Variants in F2RL3 observed in about 807,000 individuals in gnomAD.
F2RL3 encodes the protein F2R like thrombin or trypsin receptor 3.
F2RL3 carries 3 observed loss-of-function variants against 4.9 expected under a neutral mutation model. The ratio of observed to expected loss-of-function variants is 0.61; its 90% CI spans 0.28 to 1.58. The LOEUF is 1.58. Among genes scored for constraint, F2RL3 ranks in the 40% most tolerant of loss-of-function variants. The probability of loss-of-function intolerance (pLI) is 0.11; values close to 1 mark genes in which losing one functional copy is unlikely to be tolerated. For missense variants in F2RL3, 564 were observed against 550.4 expected, an observed-to-expected ratio of 1.02 and a Z score of -0.25; for synonymous variants, 284 against 278.4, an observed-to-expected ratio of 1.02 and a Z score of -0.20.
chr19:16,889,427 G>A, intron 1 of F2RL3, 129 bp downstream of exon 1: 1 of 1,157,896 alleles, frequency 8.6e-7, no homozygotes, highest in Non-Finnish European at 1.2e-6. Context: ...TCCCGTCTCT[G>A]ACCCCATAGG....
chr19:16,889,851 C>A lies in F2RL3; in HGVS notation c.388C>A (p.Pro130Thr), dbSNP rs1306294466. 1.3e-6 allele frequency: 2 copies of A among 1,595,962 alleles called. No homozygotes were observed. Among genetic ancestry groups the A allele is most frequent in the Non-Finnish European group, 1.7e-6 (2 of 1,177,426 alleles). ...TGACCTCCTGCTGGCCCTGGCGCTG[C>A]CCCCGCGGATCGCCTACCACCTGCG... ...AADLLLALALPPRIAYHLRGQ... is the reference protein window; with the variant it reads ...AADLLLALALTPRIAYHLRGQ... Residue 130 changes from proline (P) to threonine (T), a missense_variant, in exon 2 of 2, where the codon CCC (proline) becomes ACC (threonine). Physicochemically the swap from Pro to Thr is conservative, Grantham distance 38. Coordinates refer to ENST00000248076, the MANE Select transcript of F2RL3 (RefSeq NM_003950.4).
rs2051785263 is a variant in F2RL3, at chr19:16,891,074, G to C, written c.*453G>C. The C allele has an allele frequency of 6.4e-6, 1 of 156,744 alleles. No individual in the cohort carries two copies. The highest frequency in any genetic ancestry group is 1.4e-5 in the Non-Finnish European group (1 of 70,702). 9.7% of individuals were successfully genotyped at this position (156,744 alleles called of 1,614,324 possible). ...ACTGGACTCCAGCCTGCGTGACAGA[G>C]AGCCTGTCTCTAAATTAATTAATTA... On this transcript the variant is annotated 3_prime_UTR_variant, in exon 2 of 2. Coordinates refer to ENST00000248076, the MANE Select transcript of F2RL3 (RefSeq NM_003950.4).
chr19:16,889,780 C>A lies in F2RL3; in HGVS notation c.317C>A (p.Ala106Glu). ...GCGCTGTGGGTGCTGGCCACGCAGG[C>A]ACCTCGGCTGCCCTCCACCATGCTG... ...GLALWVLATQ[A>E]PRLPSTMLLM... is the part of the protein sequence containing the mutation. Residue 106 changes from alanine (A) to glutamate (E), a missense_variant, in exon 2 of 2, where the codon GCA becomes GAA. Transcript: ENST00000248076. The A allele has an allele frequency of 6.3e-7, 1 of 1,598,780 alleles. No homozygotes were observed. Among genetic ancestry groups the A allele is most frequent in the Non-Finnish European group, 8.5e-7 (1 of 1,178,358 alleles).
In F2RL3 at chr19:16,890,292, C is replaced by A. The variant is rs370166666; in HGVS notation, c.829C>A (p.Arg277Ser). 1.3e-6 allele frequency: 2 copies of A among 1,561,952 alleles called. No individual in the cohort carries two copies. The highest frequency in any genetic ancestry group is 2.3e-5 in the South Asian group (2 of 87,066). ...TLHTLAASGR[R>S]YGHALRLTAV... ...GCACACGCTGGCGGCCAGCGGCCGGCGCTACGGCCACGCGCTGAGGCTGAC... is the reference window on the plus strand; with the variant it reads ...GCACACGCTGGCGGCCAGCGGCCGGAGCTACGGCCACGCGCTGAGGCTGAC... Residue 277 changes from arginine to serine, a missense_variant, in exon 2 of 2, where the codon CGC becomes AGC. Coordinates refer to ENST00000248076, the MANE Select transcript of F2RL3 (RefSeq NM_003950.4).
Position 16,890,886 on chromosome 19 carries a change from C to A in F2RL3, c.*265C>A, listed in dbSNP as rs980726796. 2.2e-6 allele frequency: 1 copy of A among 462,904 alleles called. No homozygotes were observed. The allele number at this position is 462,904 out of a possible 1,614,324, so 28.7% of individuals were successfully genotyped here. A position where few individuals can be genotyped will look rare whatever the true frequency, so the allele number is the denominator to read the frequency against. The stretch of plus-strand genomic sequence containing the variant: ...GATGGATCACTTGAGCCCAGGAGTT[C>A]AACACCAGCCTGAGCAACATGGTAA... On this transcript the variant is annotated 3_prime_UTR_variant, in exon 2 of 2. Coordinates refer to ENST00000248076, the MANE Select transcript of F2RL3 (RefSeq NM_003950.4).
rs764318241 is a variant in F2RL3, at chr19:16,889,732, T to C, written c.269T>C (p.Val90Ala). The change falls in exon 2 of 2, where the codon GTG (valine) becomes GCG (alanine). Residue 90 changes from valine (V) to alanine (A), a missense_variant. By Grantham distance (64) the Val-to-Ala change is moderately conservative. Coordinates refer to ENST00000248076, the MANE Select transcript of F2RL3 (RefSeq NM_003950.4). ...VPALYGLVLV[V>A]GLPANGLALW... ...GCCCTCTATGGGCTGGTCCTGGTGG[T>C]GGGGCTGCCGGCCAATGGGCTGGCG... 1.9e-6 allele frequency: 3 copies of C among 1,603,804 alleles called. No individual in the cohort carries two copies. Among genetic ancestry groups the C allele is most frequent in the Non-Finnish European group, 1.7e-6 (2 of 1,179,210 alleles).
rs1357855101 is a variant in F2RL3, at chr19:16,889,293, G to A, written c.104G>A (p.Gly35Asp). The change falls in exon 1 of 2, where the codon GGT (glycine) becomes GAT (aspartate). Residue 35 changes from glycine (G) to aspartate (D), a missense_variant. Physicochemically the swap from Gly to Asp is moderately conservative, Grantham distance 94 (BLOSUM62 -1). Coordinates refer to ENST00000248076, the MANE Select transcript of F2RL3 (RefSeq NM_003950.4). ...VYDESGSTGG[G>D]DDSTPSILPA... is the part of the protein sequence containing the mutation. ...GACGAGAGCGGGAGCACCGGAGGTG[G>A]TGATGGTGAGTGGTCCTGGCTTTGG... 1.3e-6 allele frequency: 2 copies of A among 1,589,992 alleles called. No individual in the cohort carries two copies. The highest frequency in any genetic ancestry group is 1.8e-5 in the Admixed American group (1 of 55,896).
Position 16,889,128 on chromosome 19 carries a change from G to A in F2RL3, c.-62G>A. ...CGTCCGCCTCGGCTCCAGAAGCTGG[G>A]GCTCAGGGTCCGGCGAGGCAGGAAG... On this transcript the variant is annotated 5_prime_UTR_variant, in exon 1 of 2. Coordinates refer to ENST00000248076, the MANE Select transcript of F2RL3 (RefSeq NM_003950.4). The A allele has an allele frequency of 1.6e-6, 2 of 1,243,700 alleles. No individual in the cohort carries two copies. The highest frequency in any genetic ancestry group is 5.5e-5 in the East Asian group (2 of 36,186). The allele number at this position is 1,243,700 out of a possible 1,614,324, so 77.0% of individuals were successfully genotyped here. A position where few individuals can be genotyped will look rare whatever the true frequency, so the allele number is the denominator to read the frequency against.
Position 16,890,464 on chromosome 19 carries a change from G to A in F2RL3, c.1001G>A (p.Cys334Tyr). The A allele has an allele frequency of 6.2e-7, 1 of 1,612,896 alleles. No homozygotes were observed. Among genetic ancestry groups the A allele is most frequent in the Non-Finnish European group, 8.5e-7 (1 of 1,179,976 alleles). Reference sequence around the variant, plus strand: ...CTGGCGCTGAGCACCCTCAACAGCTGCGTGGATCCCTTCATCTACTACTAC... The same window carrying A: ...CTGGCGCTGAGCACCCTCAACAGCTACGTGGATCCCTTCATCTACTACTAC... The part of the protein sequence containing the change: ...PSLALSTLNS[C>Y]VDPFIYYYVS... Residue 334 changes from cysteine to tyrosine, a missense_variant, in exon 2 of 2, where the codon TGC (cysteine) becomes TAC (tyrosine). Physicochemically the swap from Cys to Tyr is radical, Grantham distance 194. Transcript: ENST00000248076.
In F2RL3 at chr19:16,890,185, G is replaced by T; in HGVS notation, c.722G>T (p.Trp241Leu). The change falls in exon 2 of 2, where the codon TGG becomes TTG. Residue 241 changes from tryptophan to leucine, a missense_variant. Physicochemically the swap from Trp to Leu is moderately conservative, Grantham distance 61 (BLOSUM62 -2). Coordinates refer to ENST00000248076, the MANE Select transcript of F2RL3 (RefSeq NM_003950.4). Reference protein sequence around the residue: ...ALPLDAQASHWQPAFTCLALL... With the variant: ...ALPLDAQASHLQPAFTCLALL... ...CCCCTGGACGCACAGGCCTCCCACT[G>T]GCAACCGGCCTTCACCTGCCTGGCG... The T allele has an allele frequency of 6.3e-7, 1 of 1,592,926 alleles. No homozygotes were observed. Among genetic ancestry groups the T allele is most frequent in the South Asian group, 1.1e-5 (1 of 89,986 alleles).
intron 1 of F2RL3, 22 bp from the exon 2 acceptor site, chr19:16,889,551 T>C (rs2051758363): frequency 6.5e-7 from 1 of 1,537,550 alleles, no homozygotes; most frequent in Non-Finnish European, 8.7e-7. Context: ...AGGGGCTGAC[T>C]GAGGTCCCCT....
Position 16,889,878 on chromosome 19 carries a change from G to A in F2RL3, c.415G>A (p.Gly139Ser), listed in dbSNP as rs757201155. The change falls in exon 2 of 2, where the codon GGC becomes AGC. Residue 139 changes from glycine (G) to serine (S), a missense_variant. Gly to Ser is a moderately conservative substitution (Grantham distance 56). Transcript: ENST00000248076. ...LPPRIAYHLR[G>S]QRWPFGEAAC... The stretch of plus-strand genomic sequence containing the variant: ...CCCGCGGATCGCCTACCACCTGCGT[G>A]GCCAGCGCTGGCCCTTCGGGGAGGC... The A allele has an allele frequency of 1.6e-4, 259 of 1,586,874 alleles. No individual in the cohort carries two copies. The highest frequency in any genetic ancestry group is 2.1e-4 in the Non-Finnish European group (243 of 1,172,894).
chr19:16,892,436 C>A lies in F2RL3; in HGVS notation c.*1815C>A, dbSNP rs552173010. 1.6e-4 allele frequency: 24 copies of A among 153,986 alleles called. No homozygotes were observed. The highest frequency in any genetic ancestry group is 3.2e-4 in the Non-Finnish European group (22 of 69,284). The allele number at this position is 153,986 out of a possible 1,614,324, so 9.5% of individuals were successfully genotyped here. A position where few individuals can be genotyped will look rare whatever the true frequency, so the allele number is the denominator to read the frequency against. On this transcript the variant is annotated 3_prime_UTR_variant, in exon 2 of 2. Transcript: ENST00000248076. ...GGACCCTCGCCTTCCCTCCTCTCACCTGCAGGCTGATCCTTCTTTTCACTT... is the reference window on the plus strand; with the variant it reads ...GGACCCTCGCCTTCCCTCCTCTCACATGCAGGCTGATCCTTCTTTTCACTT...
In F2RL3 at chr19:16,890,223, T is replaced by A. The variant is rs867168857; in HGVS notation, c.760T>A (p.Phe254Ile). 6.3e-6 allele frequency: 10 copies of A among 1,582,304 alleles called. 1 individual carries two copies. In the Middle Eastern group the frequency reaches 1.5e-3, roughly 243 times the overall value. ...CACCTGCCTGGCGCTGTTGGGCTGT[T>A]TCCTGCCCCTGCTGGCCATGCTGCT... ...AFTCLALLGC[F>I]LPLLAMLLCY... Residue 254 changes from phenylalanine to isoleucine, a missense_variant, in exon 2 of 2, where the codon TTC (phenylalanine) becomes ATC (isoleucine). Phe to Ile is a conservative substitution (Grantham distance 21, BLOSUM62 0). Coordinates refer to ENST00000248076, the MANE Select transcript of F2RL3 (RefSeq NM_003950.4).
In F2RL3 at chr19:16,889,596, GC is replaced by G; in HGVS notation, c.139del (p.Arg47AlafsTer69). 8 of 1,587,148 alleles carry G rather than the reference GC, an allele frequency of 5.0e-6. No homozygotes were observed. Among genetic ancestry groups the G allele is most frequent in the East Asian group, 2.3e-5 (1 of 44,408 alleles). ...AGACAGCACGCCCTCAATCCTGCCTGCCCCCCGCGGCTACCCAGGCCAAGTC... is the reference window on the plus strand; with the variant it reads ...AGACAGCACGCCCTCAATCCTGCCTGCCCCCGCGGCTACCCAGGCCAAGTC... ...GDDSTPSILP[A>X]PRGYPGQVCA... On this transcript the variant is annotated frameshift_variant, in exon 2 of 2. Coordinates refer to ENST00000248076, the MANE Select transcript of F2RL3 (RefSeq NM_003950.4). LOFTEE classifies it low-confidence loss of function (END_TRUNC).
At chr19:16,889,434 T>C (rs2051757503) in intron 1 of F2RL3, 136 bp downstream of exon 1, 7 of 1,170,802 alleles carry the variant, frequency 6.0e-6, no homozygotes, top group East Asian at 2.4e-5. Context: ...TCTGACCCCA[T>C]AGGGCTGGGC....
At position 16,889,669 on chromosome 19, in the gene F2RL3, C is replaced by A; in HGVS notation, c.206C>A (p.Ala69Glu). The A allele has an allele frequency of 6.2e-7, 1 of 1,610,238 alleles. No individual in the cohort carries two copies. Among genetic ancestry groups the A allele is most frequent in the Non-Finnish European group, 8.5e-7 (1 of 1,179,604 alleles). Residue 69 changes from alanine to glutamate, a missense_variant, in exon 2 of 2, where the codon GCA becomes GAA. Transcript: ENST00000248076. ...DTLELPDSSR[A>E]LLLGWVPTRL... ...CTGGAGCTCCCGGACAGCTCACGGG[C>A]ACTGCTTCTGGGCTGGGTGCCCACC...
rs1457225793 is a variant in F2RL3 at position 16,889,084 on chromosome 19, T to TCC, written c.-105_-104insCC. On this transcript the variant is annotated 5_prime_UTR_variant, in exon 1 of 2. Transcript: ENST00000248076. ...GCAGGGGCAGCCTTCCTGGTTTATCTCTACCGGCGCGATCTGCTCGTCCGC... is the reference window on the plus strand; with the variant it reads ...GCAGGGGCAGCCTTCCTGGTTTATCTCCCTACCGGCGCGATCTGCTCGTCCGC... 3.5e-6 allele frequency: 3 copies of TCC among 848,174 alleles called. No homozygotes were observed. The African/African-American group carries it at 5.2e-5, about 15-fold the overall frequency. The allele number at this position is 848,174 out of a possible 1,614,324, so 52.5% of individuals were successfully genotyped here. A position where few individuals can be genotyped will look rare whatever the true frequency, so the allele number is the denominator to read the frequency against.
rs1343292388 is a variant in F2RL3, at chr19:16,889,709, C to A, written c.246C>A (p.Ala82=). The A allele has an allele frequency of 6.2e-7, 1 of 1,607,082 alleles. No individual in the cohort carries two copies. Among genetic ancestry groups the A allele is most frequent in the Non-Finnish European group, 8.5e-7 (1 of 1,179,566 alleles). ...LGWVPTRLVP[A]LYGLVLVVGL... ...GGGTGCCCACCAGGCTGGTGCCCGC[C>A]CTCTATGGGCTGGTCCTGGTGGTGG... The change falls in exon 2 of 2, where the codon GCC becomes GCA. Residue 82 remains alanine (A), a synonymous_variant. Transcript: ENST00000248076.
Sources: allele counts gnomAD v4.1 joint callset, GRCh38; gene constraint gnomAD v4.1.1; transcripts MANE v1.5; gene names NCBI Gene and HGNC (gene_info 2026-07-23, HGNC 2026-07-21).